KIAA1217: variants seen among roughly 807,000 people sequenced by gnomAD.
The protein encoded by KIAA1217 is sickle tail protein homolog.
KIAA1217 carries 88 observed loss-of-function variants against 163.9 expected under a neutral mutation model. The ratio of observed to expected loss-of-function variants is 0.54; its 90% CI spans 0.45 to 0.64. The LOEUF is 0.64. Ranked by LOEUF, KIAA1217 falls within the 30% of genes least tolerant of loss-of-function variation. The pLI is 0.00. For synonymous variants in KIAA1217, 903 were observed against 923.1 expected (o/e 0.98, Z 0.39); for missense variants, 2,372 against 2,475.0 (o/e 0.96, Z 0.88).
chr10:24,473,898 C>T lies in KIAA1217; in HGVS notation c.1517C>T (p.Pro506Leu), dbSNP rs376020676. The change falls in exon 6 of 21, where the codon CCG (proline) becomes CTG (leucine). Residue 506 changes from proline to leucine, a missense_variant. Physicochemically the swap from Pro to Leu is moderately conservative, Grantham distance 98 (BLOSUM62 -3). This residue lies in a region of KIAA1217 where 1,431 missense variants were observed against 1,470.3 expected (regional missense o/e 0.97). Transcript: ENST00000376454. ...ACCATGCAGCCAGACCGGGCCTCTC[C>T]GAGCCGCCAGGCCTTTAAAAAGGAG... ...PHTMQPDRASPSRQAFKKEPG... is the reference protein window; with the variant it reads ...PHTMQPDRASLSRQAFKKEPG... 6.0e-5 allele frequency: 97 copies of T among 1,614,108 alleles called. No individual in the cohort carries two copies. Among genetic ancestry groups the T allele is most frequent in the African/African-American group, 2.4e-4 (18 of 75,024 alleles).
chr10:23,880,732 C>T (rs1840913202), intron 1 of KIAA1217, among the ~76,000 whole-genome samples: 1 of 151,872 alleles, frequency 6.6e-6, no homozygotes, highest in Non-Finnish European at 1.5e-5. Flanking sequence ...TATACTCTTA[C>T]CATGTACCCC....
At chr10:24,501,904 A>G (rs868053099) in intron 9 of KIAA1217, among the ~76,000 whole-genome samples, 10 of 150,840 alleles carry the variant, frequency 6.6e-5, no homozygotes, top group Non-Finnish European at 1.3e-4. Flanking sequence ...GCCCGCCACC[A>G]CGCCCGGCTA....
chr10:24,545,263 C>T (rs2075604787), intron 20 of KIAA1217, 160 bp downstream of exon 20: 1 of 1,425,028 alleles, frequency 7.0e-7, no homozygotes, highest in East Asian at 2.5e-5. Context: ...ACCTTTGTTA[C>T]ACTTTTTTAC....
In KIAA1217 at chr10:23,874,124, C is replaced by T. The variant is rs185168021; in HGVS notation, c.-320-133101C>T. On this transcript the variant is annotated intron_variant, in intron 1 of 18. Coordinates refer to the KIAA1217 transcript ENST00000376462. ...ATTCTGTTTGATATTAACCAAGTCA[C>T]GTTTTGTTTTTATCCTGACATTCAC... 1.3e-4 allele frequency among the ~76,000 whole-genome samples: 20 copies of T among 152,060 alleles called. No individual in the cohort carries two copies. The East Asian group carries it at 3.7e-3, about 28-fold the overall frequency.
At chr10:23,890,980 ATACAG>A (rs1254076136) in intron 1 of KIAA1217, among the ~76,000 whole-genome samples, 1 of 151,924 alleles carries the variant, frequency 6.6e-6, no homozygotes, top group African/African-American at 2.4e-5. Flanking sequence ...TTTTACCATT[ATACAG>A]TGTCTTTCTT....
chr10:23,710,753 T>C (rs1837197954), intron 1 of KIAA1217, among the ~76,000 whole-genome samples: 1 of 152,220 alleles, frequency 6.6e-6, no homozygotes, highest in Non-Finnish European at 1.5e-5. Context: ...AAAATCTGAA[T>C]TGCAGAATAG....
At chr10:24,058,196 C>CT (rs1165273705) in intron 2 of KIAA1217, among the ~76,000 whole-genome samples, 2 of 152,148 alleles carry the variant, frequency 1.3e-5, no homozygotes, top group African/African-American at 4.8e-5. Flanking sequence ...TGAAGATCAG[C>CT]TAATTGTGTA....
chr10:24,175,278 T>C (rs1216880368), intron 2 of KIAA1217, among the ~76,000 whole-genome samples: 1 of 152,200 alleles, frequency 6.6e-6, no homozygotes, highest in African/African-American at 2.4e-5. Flanking sequence ...TAGTTTAGCA[T>C]CCTTATAGCT....
chr10:23,931,161 G>A (rs1242179369), intron 1 of KIAA1217, among the ~76,000 whole-genome samples: 3 of 151,916 alleles, frequency 2.0e-5, no homozygotes, highest in Non-Finnish European at 4.4e-5. Flanking sequence ...GTTCTTCCTA[G>A]GGGTCAAACA....
At position 24,473,963 on chromosome 10, in the gene KIAA1217, G is replaced by A. The variant is rs61735604; in HGVS notation, c.1582G>A (p.Ala528Thr). 5.8e-3 allele frequency: 9,329 copies of A among 1,614,142 alleles called. 386 individuals carry two copies. In the African/African-American group the frequency reaches 0.098, roughly 17 times the overall value. Residue 528 changes from alanine (A) to threonine (T), a missense_variant, in exon 6 of 21, where the codon GCA becomes ACA. Around this residue, in one of 3 missense-constraint regions of KIAA1217, gnomAD observed 1,431 missense variants for 1,470.3 expected, o/e 0.97. Coordinates refer to ENST00000376454, the MANE Select transcript of KIAA1217 (RefSeq NM_019590.5). ...GTATATAGAAAAGCCACGGAGCGCT[G>A]CAGGATTATCCAGCCTTGTAGACCT... ...LVYIEKPRSA[A>T]GLSSLVDLGP...
chr10:24,186,504 T>A (rs553502262), intron 2 of KIAA1217, among the ~76,000 whole-genome samples: 1 of 152,350 alleles, frequency 6.6e-6, no homozygotes, highest in South Asian at 2.1e-4. Context: ...TATCTTTGGA[T>A]ATAATTATAC....
At chr10:24,094,034 T>C (rs1447860215) in intron 2 of KIAA1217, among the ~76,000 whole-genome samples, 1 of 152,018 alleles carries the variant, frequency 6.6e-6, no homozygotes, top group Non-Finnish European at 1.5e-5. Context: ...CCACATTTTC[T>C]TAATCCAGTC....
intron 5 of KIAA1217, among the ~76,000 whole-genome samples, chr10:24,456,392 G>A (rs555117704): frequency 3.9e-5 from 6 of 152,120 alleles, no homozygotes; most frequent in Admixed American, 6.5e-5. Context: ...GAGTGGGCCC[G>A]TGAATGTTTG....
intron 2 of KIAA1217, among the ~76,000 whole-genome samples, chr10:24,362,291 G>A (rs2050133223): frequency 6.6e-6 from 1 of 152,118 alleles, no homozygotes; most frequent in African/African-American, 2.4e-5. Flanking sequence ...GACTTCCAAA[G>A]CAGAAGACAG....
chr10:24,390,461 G>GA (rs2054713975), intron 3 of KIAA1217, among the ~76,000 whole-genome samples: 3 of 84,134 alleles, frequency 3.6e-5, no homozygotes, highest in African/African-American at 1.4e-4. Flanking sequence ...GGGAAAAAAG[G>GA]AGGGAGGGAG....
intron 1 of KIAA1217, among the ~76,000 whole-genome samples, chr10:23,853,703 G>A (rs552949789): frequency 1.2e-4 from 19 of 152,250 alleles, no homozygotes; most frequent in African/African-American, 4.1e-4. Flanking sequence ...CCTGTTATTG[G>A]TCTATTCAGA....
Position 23,695,602 on chromosome 10 carries a change from G to T in KIAA1217, c.-321+368G>T, listed in dbSNP as rs985532771. On this transcript the variant is annotated intron_variant, in intron 1 of 18. Transcript: ENST00000376462. This position sits in a 1 kb window ranked among gnomAD's most constrained non-coding sequence, Gnocchi z 4.9. Reference sequence around the variant, plus strand: ...AGTGGCGAGCCAGGGGCTTATATAGGTGCGACTAGGATGTTGCCTCGTTTT... The same window carrying T: ...AGTGGCGAGCCAGGGGCTTATATAGTTGCGACTAGGATGTTGCCTCGTTTT... Among the ~76,000 whole-genome samples the T allele has an allele frequency of 3.3e-5, 5 of 152,158 alleles. No homozygotes were observed. Among genetic ancestry groups the T allele is most frequent in the Admixed American group, 6.5e-5 (1 of 15,280 alleles).
chr10:24,314,682 C>T (rs1301888814), intron 2 of KIAA1217, among the ~76,000 whole-genome samples: 1 of 152,150 alleles, frequency 6.6e-6, no homozygotes, highest in East Asian at 1.9e-4. Flanking sequence ...TGGCTCACGC[C>T]TGTAATCCCA....
chr10:24,547,072 T>TTC lies in KIAA1217; in HGVS notation c.*748_*749insTC. On this transcript the variant is annotated 3_prime_UTR_variant, in exon 21 of 21. Coordinates refer to ENST00000376454, the MANE Select transcript of KIAA1217 (RefSeq NM_019590.5). ...TTTTCCTTCCTTTTTTTTTTTTTTT[T>TTC]CTTTTTTAACATGTTGAGATTCTCT... The TTC allele has an allele frequency of 7.2e-6, 1 of 138,852 alleles. No individual in the cohort carries two copies. The highest frequency in any genetic ancestry group is 2.1e-4 in the East Asian group (1 of 4,726). The allele number at this position is 138,852 out of a possible 1,614,324, so 8.6% of individuals were successfully genotyped here.
Sources: allele counts gnomAD v4.1 joint callset (sites outside exome capture counted in the v4.1 genomes callset), GRCh38; gene constraint gnomAD v4.1.1; regional missense constraint gnomAD v4.1.1; non-coding constraint Gnocchi (gnomAD v3.1); transcripts MANE v1.5; gene names NCBI Gene and HGNC (gene_info 2026-07-23, HGNC 2026-07-21).